Variants in TMEM51 observed in about 807,000 individuals in gnomAD.
TMEM51 encodes the protein chromosome 1 open reading frame 72.
In TMEM51, 8 loss-of-function variants were observed where a neutral mutation model predicts 13.6. The ratio of observed to expected loss-of-function variants is 0.59; its 90% CI spans 0.35 to 1.07. The LOEUF is 1.07. Ranked by LOEUF, TMEM51 falls within the 50% of genes least tolerant of loss-of-function variation. The pLI is 0.02. For missense variants in TMEM51, 279 were observed against 330.7 expected (o/e 0.84, Z 1.21); for synonymous variants, 147 against 144.4 (o/e 1.02, Z -0.13).
intron 1 of TMEM51, among the ~76,000 whole-genome samples, chr1:15,156,033 G>T (rs1642581062): frequency 6.6e-6 from 1 of 152,152 alleles, no homozygotes; most frequent in Non-Finnish European, 1.5e-5. Flanking sequence ...TGGAGGAGAG[G>T]CCCATACAGG....
chr1:15,191,930 G>A (rs982261617), intron 1 of TMEM51: 1 of 531,152 alleles, frequency 1.9e-6, no homozygotes, highest in Admixed American at 2.0e-5. Flanking sequence ...AGAAGTTGTA[G>A]GCGTCTATTT....
chr1:15,178,859 T>C (rs1255574773), intron 1 of TMEM51, among the ~76,000 whole-genome samples: 1 of 152,228 alleles, frequency 6.6e-6, no homozygotes, highest in Non-Finnish European at 1.5e-5. Context: ...GTGTGTTCAA[T>C]GGGCATGAAA....
intron 3 of TMEM51, among the ~76,000 whole-genome samples, chr1:15,215,699 A>G (rs542833682): frequency 6.6e-6 from 1 of 152,298 alleles, no homozygotes; most frequent in East Asian, 1.9e-4. Context: ...TTTTTACACC[A>G]TGGAATACTA....
chr1:15,201,798 A>G (rs1440529831), intron 1 of TMEM51, among the ~76,000 whole-genome samples: 10 of 152,304 alleles, frequency 6.6e-5, no homozygotes, highest in Non-Finnish European at 2.9e-5. Context: ...GCTAAAAAAG[A>G]AAATGTCCAG....
intron 1 of TMEM51, among the ~76,000 whole-genome samples, chr1:15,183,248 T>C (rs543040013): frequency 6.6e-6 from 1 of 152,328 alleles, no homozygotes; most frequent in Admixed American, 6.5e-5. Context: ...GCAGAATTCT[T>C]TATTTTATAG....
intron 1 of TMEM51, among the ~76,000 whole-genome samples, chr1:15,183,174 A>T (rs1643672028): frequency 6.6e-6 from 1 of 152,206 alleles, no homozygotes; most frequent in Non-Finnish European, 1.5e-5. Context: ...CTTTGCTTAA[A>T]CAGATTCTGA....
At position 15,219,777 on chromosome 1, in the gene TMEM51, C is replaced by CT; in HGVS notation, c.*35dup. ...ACTTGAGCCACGCTCCCTCCTGTCT[C>CT]TCACACCTTTCACCCCCAAGACTCT... On this transcript the variant is annotated 3_prime_UTR_variant, in exon 4 of 4. Coordinates refer to ENST00000376008, the MANE Select transcript of TMEM51 (RefSeq NM_001136218.2). 6.3e-7 allele frequency: 1 copy of CT among 1,598,100 alleles called. No individual in the cohort carries two copies. The highest frequency in any genetic ancestry group is 8.5e-7 in the Non-Finnish European group (1 of 1,171,956).
At chr1:15,172,121 A>G (rs1040218084) in intron 1 of TMEM51, among the ~76,000 whole-genome samples, 1 of 152,330 alleles carries the variant, frequency 6.6e-6, no homozygotes, top group East Asian at 1.9e-4. Flanking sequence ...TCACACCTGT[A>G]ATCCCAGCAC....
At chr1:15,196,149 C>G (rs1168700952) in intron 1 of TMEM51, among the ~76,000 whole-genome samples, 1 of 152,170 alleles carries the variant, frequency 6.6e-6, no homozygotes, top group Non-Finnish European at 1.5e-5. Context: ...CCAGAGACAC[C>G]CAGACTGCTG....
At chr1:15,206,228 CAAAAAAAAAA>C (rs71000380) in intron 1 of TMEM51, among the ~76,000 whole-genome samples, 2 of 94,200 alleles carry the variant, frequency 2.1e-5, no homozygotes, top group South Asian at 3.8e-4. Context: ...GAGACCCTGT[CAAAAAAAAAA>C]AAAAAAAAGA....
chr1:15,159,219 GCCT>G (rs564679008), intron 1 of TMEM51, among the ~76,000 whole-genome samples: 105 of 152,310 alleles, frequency 6.9e-4, no homozygotes, highest in African/African-American at 2.4e-3. Context: ...TGTTCGTCTA[GCCT>G]CCTCAATTCC....
intron 2 of TMEM51, 102 bp from the exon 3 acceptor site, chr1:15,214,793 C>T (rs948939061): frequency 1.1e-5 from 4 of 376,462 alleles, no homozygotes; most frequent in African/African-American, 6.1e-5. Context: ...CCGGCGTGCT[C>T]GGTGCTGCTG....
intron 1 of TMEM51, among the ~76,000 whole-genome samples, chr1:15,201,189 G>A (rs1455667889): frequency 6.6e-6 from 1 of 152,200 alleles, no homozygotes; most frequent in African/African-American, 2.4e-5. Context: ...CTCCTCTTCT[G>A]TGAAATGGGG....
chr1:15,157,899 A>G (rs902420262), intron 1 of TMEM51, among the ~76,000 whole-genome samples: 1 of 152,200 alleles, frequency 6.6e-6, no homozygotes, highest in African/African-American at 2.4e-5. Flanking sequence ...CACTGTTAAT[A>G]TGGTGGCGTT....
At chr1:15,206,838 C>T (rs1294017945) in intron 1 of TMEM51, among the ~76,000 whole-genome samples, 1 of 152,212 alleles carries the variant, frequency 6.6e-6, no homozygotes, top group Non-Finnish European at 1.5e-5. Context: ...TGCCTCTATG[C>T]CTCATTTGCA....
intron 2 of TMEM51, among the ~76,000 whole-genome samples, chr1:15,212,467 T>C (rs899832352): frequency 7.0e-6 from 1 of 143,542 alleles, no homozygotes; most frequent in African/African-American, 2.5e-5. Context: ...ACTAGTCTGC[T>C]AACCACACTC....
Position 15,219,953 on chromosome 1 carries a change from G to A in TMEM51, c.*210G>A. 1.7e-6 allele frequency: 1 copy of A among 594,580 alleles called. No individual in the cohort carries two copies. The allele number at this position is 594,580 out of a possible 1,614,324, so 36.8% of individuals were successfully genotyped here. On this transcript the variant is annotated 3_prime_UTR_variant, in exon 4 of 4. Coordinates refer to ENST00000376008, the MANE Select transcript of TMEM51 (RefSeq NM_001136218.2). The stretch of plus-strand genomic sequence containing the variant: ...TGCTGCAGGTGCTTTGGAAAGAGAT[G>A]CTGCCTTGGAGCTGGTGAATCTGTG...
chr1:15,167,329 A>C (rs866832349), intron 1 of TMEM51, among the ~76,000 whole-genome samples: 7,434 of 43,904 alleles, frequency 0.17, 562 homozygotes, highest in Middle Eastern at 0.32. Flanking sequence ...TCCATCTCAA[A>C]AAAAAAAAAA....
At chr1:15,157,746 T>C (rs1206493711) in intron 1 of TMEM51, among the ~76,000 whole-genome samples, 1 of 152,234 alleles carries the variant, frequency 6.6e-6, no homozygotes, top group East Asian at 1.9e-4. Context: ...AGCTAGTGAG[T>C]GCATTTATCT....
Sources: allele counts gnomAD v4.1 joint callset (sites outside exome capture counted in the v4.1 genomes callset), GRCh38; gene constraint gnomAD v4.1.1; transcripts MANE v1.5; gene names NCBI Gene and HGNC (gene_info 2026-07-23, HGNC 2026-07-21).